The following NBEA variants were observed in gnomAD, a reference collection of about 807,000 sequenced individuals.
NBEA encodes the protein neurobeachin, also known as lysosomal-trafficking regulator 2.
A neutral mutation model predicts 343.4 loss-of-function variants in NBEA; 44 were observed. The ratio of observed to expected loss-of-function variants is 0.13; its 90% CI spans 0.10 to 0.16. The LOEUF (loss-of-function observed/expected upper bound fraction) is 0.16, where lower values mean the gene tolerates loss of function less well. Among genes scored for constraint, NBEA ranks in the 10% least tolerant of loss-of-function variants. The pLI is 1.00. For synonymous variants in NBEA, 1,175 were observed against 1,238.7 expected, an observed-to-expected ratio of 0.95 and a Z score of 1.08; for missense variants, 2,555 against 3,631.3, an observed-to-expected ratio of 0.70 and a Z score of 7.62.
intron 34 of NBEA, among the ~76,000 whole-genome samples, chr13:35,271,229 G>C (rs943441086): frequency 1.3e-5 from 2 of 152,194 alleles, no homozygotes; most frequent in Non-Finnish European, 2.9e-5. Context: ...TAAAGTGGAC[G>C]TCCAGCGAAT....
chr13:35,027,439 A>G (rs924372747), intron 1 of NBEA, among the ~76,000 whole-genome samples: 2 of 151,684 alleles, frequency 1.3e-5, no homozygotes, highest in African/African-American at 4.8e-5. Flanking sequence ...TTCTGTTTTA[A>G]CTGTTCTGAT....
At chr13:35,357,781 G>A (rs1489935023) in intron 38 of NBEA, among the ~76,000 whole-genome samples, 4 of 152,048 alleles carry the variant, frequency 2.6e-5, no homozygotes, top group Non-Finnish European at 5.9e-5. Context: ...TTCAGAAAAT[G>A]GGATGAATAG....
At chr13:35,468,255 G>T (rs1324105273) in intron 40 of NBEA, among the ~76,000 whole-genome samples, 1 of 152,082 alleles carries the variant, frequency 6.6e-6, no homozygotes, top group African/African-American at 2.4e-5. Flanking sequence ...GCTAGGCCAT[G>T]GCGTTCTCTT....
intron 28 of NBEA, among the ~76,000 whole-genome samples, chr13:35,178,074 A>G (rs1218114115): frequency 6.6e-6 from 1 of 151,758 alleles, no homozygotes; most frequent in African/African-American, 2.4e-5. Context: ...AAAATTCAGT[A>G]TCCCTAGTAG....
At chr13:34,946,518 C>T (rs17051749) in intron 1 of NBEA, among the ~76,000 whole-genome samples, 2,394 of 151,790 alleles carry the variant, frequency 0.016, 67 homozygotes, top group African/African-American at 0.049. Flanking sequence ...GAATGGCTTT[C>T]TTATGTGTAT....
chr13:35,659,170 A>G (rs1353785113), intron 55 of NBEA, among the ~76,000 whole-genome samples: 3 of 152,182 alleles, frequency 2.0e-5, no homozygotes, highest in Non-Finnish European at 4.4e-5. Flanking sequence ...TGGAGGTTGT[A>G]TGTATTAACC....
At chr13:34,959,640 A>T (rs1751756209) in intron 1 of NBEA, among the ~76,000 whole-genome samples, 1 of 152,096 alleles carries the variant, frequency 6.6e-6, no homozygotes, top group East Asian at 1.9e-4. Context: ...TCATTTCCAT[A>T]AGTGTCATAG....
chr13:35,292,838 G>A lies in NBEA; in HGVS notation c.5838+2388G>A, dbSNP rs117684380. On this transcript the variant is annotated intron_variant, in intron 35 of 58. Transcript: ENST00000379939. ...AATGGAATTTTTAATGTATTTATTT[G>A]CATAAAATATGCTTTTCTTTTTCCA... is the stretch of plus-strand genomic sequence containing the variant. 4.6e-5 allele frequency among the ~76,000 whole-genome samples: 7 copies of A among 152,000 alleles called. No homozygotes were observed. In the East Asian group the frequency reaches 1.4e-3, roughly 29 times the overall value.
chr13:35,585,014 TC>T (rs2081233852), intron 46 of NBEA, among the ~76,000 whole-genome samples: 1 of 151,120 alleles, frequency 6.6e-6, no homozygotes. Context: ...CCCCCCTCCC[TC>T]ATTCTTTCTT....
Position 35,158,444 on chromosome 13 carries a change from CA to C in NBEA, c.2845-563del, listed in dbSNP as rs540490749. On this transcript the variant is annotated intron_variant, in intron 21 of 58. Coordinates refer to ENST00000379939, the MANE Select transcript of NBEA (RefSeq NM_001385012.1). ...GAAAAAGACATTGCAGGTCTTTGTG[CA>C]AAAAAAAAGTATTCTGATTATTAAT... 3.5e-3 allele frequency among the ~76,000 whole-genome samples: 514 copies of C among 148,586 alleles called. 6 individuals are homozygous for C. Among genetic ancestry groups the C allele is most frequent in the Admixed American group, 0.025 (377 of 14,956 alleles).
intron 38 of NBEA, among the ~76,000 whole-genome samples, chr13:35,418,857 G>C (rs117768013): frequency 6.6e-6 from 1 of 151,876 alleles, no homozygotes; most frequent in East Asian, 1.9e-4. Flanking sequence ...ACAAATTACA[G>C]GCTAAGTATT....
At chr13:35,547,785 A>G (rs1357126558) in intron 41 of NBEA, among the ~76,000 whole-genome samples, 1 of 152,128 alleles carries the variant, frequency 6.6e-6, no homozygotes, top group African/African-American at 2.4e-5. Flanking sequence ...GCTACTTGAG[A>G]GGCTGAAGCA....
At chr13:35,347,162 G>A (rs528462346) in intron 36 of NBEA, among the ~76,000 whole-genome samples, 2 of 152,126 alleles carry the variant, frequency 1.3e-5, no homozygotes, top group South Asian at 2.1e-4. Context: ...TTATATTTAT[G>A]TATCAGTAAA....
At chr13:35,034,869 T>C (rs960902109) in intron 1 of NBEA, among the ~76,000 whole-genome samples, 2 of 151,968 alleles carry the variant, frequency 1.3e-5, no homozygotes, top group African/African-American at 4.8e-5. Flanking sequence ...GTAGTATCAG[T>C]TGTAATGTCT....
At chr13:34,943,416 C>T in intron 1 of NBEA, among the ~76,000 whole-genome samples, 2 of 152,066 alleles carry the variant, frequency 1.3e-5, no homozygotes, top group Middle Eastern at 6.8e-3. Flanking sequence ...GGTTTTGGGT[C>T]GACTTTAGAG....
At chr13:35,527,438 C>A (rs190956947) in intron 41 of NBEA, among the ~76,000 whole-genome samples, 184 of 152,254 alleles carry the variant, frequency 1.2e-3, no homozygotes, top group Non-Finnish European at 1.5e-3. Flanking sequence ...GCATGCCATC[C>A]ACAGCACCCA....
intron 40 of NBEA, among the ~76,000 whole-genome samples, chr13:35,461,862 G>C (rs1180918745): frequency 2.0e-5 from 3 of 152,162 alleles, no homozygotes; most frequent in Non-Finnish European, 4.4e-5. Context: ...TGCAGAGCCA[G>C]AATAGCAGCT....
intron 10 of NBEA, among the ~76,000 whole-genome samples, chr13:35,087,741 C>A (rs1312184296): frequency 6.6e-6 from 1 of 151,782 alleles, no homozygotes. Flanking sequence ...AGAGCATCAA[C>A]TTTAGACAAT....
chr13:35,043,258 A>T (rs1317094259), intron 2 of NBEA, among the ~76,000 whole-genome samples: 1 of 151,910 alleles, frequency 6.6e-6, no homozygotes, highest in Non-Finnish European at 1.5e-5. Context: ...AGGAATTTTT[A>T]AAAATTTCTA....
Sources: gnomAD v4.1 joint callset for allele counts (sites outside exome capture counted in the v4.1 genomes callset) on GRCh38, gnomAD v4.1.1 for gene constraint, MANE v1.5 for transcripts, NCBI Gene and HGNC (gene_info 2026-07-23, HGNC 2026-07-21) for gene names.